DIP2A: variants seen among roughly 807,000 people sequenced by gnomAD.
DIP2A encodes the protein DIP2 acetate--CoA ligase A.
In DIP2A, 85 loss-of-function variants were observed where a neutral mutation model predicts 177.4. The ratio of observed to expected loss-of-function variants is 0.48; its 90% CI spans 0.40 to 0.57. The LOEUF (loss-of-function observed/expected upper bound fraction) is 0.57. DIP2A is among the 20% of genes least tolerant of loss of function. The pLI, the probability that DIP2A is intolerant of heterozygous loss-of-function variation, is 0.00. For missense variants in DIP2A, 1,791 were observed against 2,100.2 expected (o/e 0.85, Z 2.88); for synonymous variants, 886 against 881.8 (o/e 1.00, Z -0.08).
At chr21:46,523,380 G>A (rs1191193700) in intron 8 of DIP2A, among the ~76,000 whole-genome samples, 3 of 148,844 alleles carry the variant, frequency 2.0e-5, no homozygotes, top group South Asian at 2.1e-4. Flanking sequence ...GATTACAGGC[G>A]TGCGCCTGGC....
chr21:46,490,846 A>G (rs1389087644), intron 3 of DIP2A, 127 bp downstream of exon 3: 3 of 1,174,642 alleles, frequency 2.6e-6, no homozygotes, highest in Non-Finnish European at 3.5e-6. Flanking sequence ...TCACATAAGC[A>G]GTAATGTACA....
At chr21:46,548,210 TTG>T (rs1003254110) in intron 21 of DIP2A, among the ~76,000 whole-genome samples, 4 of 130,018 alleles carry the variant, frequency 3.1e-5, no homozygotes, top group Non-Finnish European at 6.8e-5. Flanking sequence ...GTGTGTGTGT[TTG>T]TGTGCGCCTG....
intron 33 of DIP2A, 188 bp downstream of exon 33, chr21:46,560,971 G>A (rs2060642339): frequency 2.0e-6 from 2 of 985,378 alleles, no homozygotes; most frequent in Non-Finnish European, 2.4e-6. Flanking sequence ...TGCACCAAGA[G>A]GAAGAGGAGA....
At chr21:46,466,895 T>C (rs1359385047) in intron 1 of DIP2A, among the ~76,000 whole-genome samples, 2 of 149,160 alleles carry the variant, frequency 1.3e-5, no homozygotes, top group African/African-American at 5.0e-5. Context: ...CTTGCAAAAA[T>C]GTAAAAGAAT....
chr21:46,578,412 GT>G, the DIP2A span, among the ~76,000 whole-genome samples: 1 of 152,204 alleles, frequency 6.6e-6, no homozygotes, highest in Non-Finnish European at 1.5e-5. Flanking sequence ...AACAGAGGCA[GT>G]TTGACTTCCT....
intron 6 of DIP2A, among the ~76,000 whole-genome samples, chr21:46,505,338 G>A (rs529057130): frequency 9.9e-5 from 15 of 152,280 alleles, no homozygotes; most frequent in Admixed American, 9.2e-4. Flanking sequence ...GCTGGGCGCG[G>A]TGGCTCACAC....
chr21:46,472,874 G>A (rs1265823574), intron 1 of DIP2A, among the ~76,000 whole-genome samples: 2 of 152,180 alleles, frequency 1.3e-5, no homozygotes, highest in African/African-American at 4.8e-5. Flanking sequence ...CTCTAGAATG[G>A]CACTGTTTAG....
chr21:46,475,140 A>T (rs960439333), intron 1 of DIP2A, among the ~76,000 whole-genome samples: 2 of 152,142 alleles, frequency 1.3e-5, no homozygotes, highest in Non-Finnish European at 2.9e-5. Context: ...AAAGGTTGGA[A>T]AAACATTGAA....
In DIP2A at chr21:46,556,929, T is replaced by G; in HGVS notation, c.3499-10T>G. The stretch of plus-strand genomic sequence containing the variant: ...CACTTTTTTTTTTTGAACTTTATTT[T>G]ACTCTTAAGATGTCGCACGCGGCCA... On this transcript the variant is annotated splice_polypyrimidine_tract_variant and intron_variant, in intron 29 of 37. Transcript: ENST00000417564. This position sits in a 1 kb window ranked among gnomAD's most constrained non-coding sequence, Gnocchi z 4.5. 1 of 1,535,602 alleles carries G rather than the reference T, an allele frequency of 6.5e-7. No individual in the cohort carries two copies. Among genetic ancestry groups the G allele is most frequent in the Non-Finnish European group, 8.8e-7 (1 of 1,137,460 alleles).
chr21:46,557,538 G>T lies in DIP2A; in HGVS notation c.3630-47G>T. The stretch of plus-strand genomic sequence containing the variant: ...GAGGAAGGGAAGAGTGGAGTGCCCA[G>T]GGTGCTGGGTGGGCGGGCGGAGCCT... On this transcript the variant is annotated intron_variant, in intron 30 of 37. Transcript: ENST00000417564. The surrounding 1 kb of genome is among the most constrained non-coding windows in gnomAD (Gnocchi z 6.0). 1 of 1,573,080 alleles carries T rather than the reference G, an allele frequency of 6.4e-7. No homozygotes were observed.
chr21:46,562,635 G>A (rs1383399945), intron 34 of DIP2A, among the ~76,000 whole-genome samples: 4 of 152,352 alleles, frequency 2.6e-5, no homozygotes, highest in Admixed American at 2.6e-4. Context: ...CGAGGTGGGA[G>A]CTACAGGGAG....
In DIP2A at chr21:46,498,697, C is replaced by A; in HGVS notation, c.519C>A (p.Gly173=). ...CCTGGCTCGACCGGGTCATTCAGGG[C>A]TCGTCCACCTCATCCTCTGCATCCT... is the stretch of plus-strand genomic sequence containing the variant. ...VEPWLDRVIQ[G]SSTSSSASST... Residue 173 remains glycine, a synonymous_variant, in exon 5 of 38, where the codon GGC becomes GGA. Coordinates refer to ENST00000417564, the MANE Select transcript of DIP2A (RefSeq NM_015151.4). This position sits in a 1 kb window ranked among gnomAD's most constrained non-coding sequence, Gnocchi z 4.3. 6.2e-7 allele frequency: 1 copy of A among 1,613,912 alleles called. No homozygotes were observed. The highest frequency in any genetic ancestry group is 8.5e-7 in the Non-Finnish European group (1 of 1,179,884).
chr21:46,480,432 G>C (rs1319767415), intron 1 of DIP2A, among the ~76,000 whole-genome samples: 1 of 152,318 alleles, frequency 6.6e-6, no homozygotes, highest in Non-Finnish European at 1.5e-5. Context: ...AATTCAAAGT[G>C]AGATTTGAGT....
In DIP2A at chr21:46,458,998, T is replaced by TCCCGCCGCC; in HGVS notation, c.-133_-125dup. ...CGTTGCTGTCCTGGCCGCGCCCCTG[T>TCCCGCCGCC]CCCGCCGCCTCCCGCTCCTCGCCTG... On this transcript the variant is annotated 5_prime_UTR_variant, in exon 1 of 38. Coordinates refer to ENST00000417564, the MANE Select transcript of DIP2A (RefSeq NM_015151.4). 2.8e-6 allele frequency: 2 copies of TCCCGCCGCC among 710,856 alleles called. No individual in the cohort carries two copies. The highest frequency in any genetic ancestry group is 4.1e-6 in the Non-Finnish European group (2 of 484,090). 44.0% of individuals were successfully genotyped at this position (710,856 alleles called of 1,614,324 possible).
At chr21:46,545,845 C>T (rs750000049) in intron 19 of DIP2A, 36 bp from the exon 20 acceptor site, 7 of 1,607,544 alleles carry the variant, frequency 4.4e-6, no homozygotes, top group Non-Finnish European at 6.0e-6. Context: ...GGTTGGTTGT[C>T]CACAGCCTGA....
At chr21:46,555,049 C>T (rs1380937094) in intron 28 of DIP2A, 116 bp downstream of exon 28, 3 of 1,095,126 alleles carry the variant, frequency 2.7e-6, no homozygotes, top group South Asian at 2.9e-5. Context: ...CTGGCAGGAG[C>T]CTGGCTGACA....
Position 46,537,828 on chromosome 21 carries a change from C to T in DIP2A, c.1801+289C>T, listed in dbSNP as rs2059636551. ...GTGCCTCCTGGGACCAAGCAGGAGG[C>T]CCCAGCATGGCCACACCTGCACAGT... is the stretch of plus-strand genomic sequence containing the variant. On this transcript the variant is annotated intron_variant, in intron 15 of 37. Coordinates refer to ENST00000417564, the MANE Select transcript of DIP2A (RefSeq NM_015151.4). The surrounding 1 kb of genome is among the most constrained non-coding windows in gnomAD (Gnocchi z 4.1). Among the ~76,000 whole-genome samples, 1 of 152,112 alleles carries T rather than the reference C, an allele frequency of 6.6e-6. No homozygotes were observed. Among genetic ancestry groups the T allele is most frequent in the African/African-American group, 2.4e-5 (1 of 41,408 alleles).
Position 46,497,092 on chromosome 21 carries a change from AC to A in DIP2A, c.390del (p.Tyr131ThrfsTer88), listed in dbSNP as rs757465103. On this transcript the variant is annotated frameshift_variant, in exon 4 of 38. Coordinates refer to ENST00000417564, the MANE Select transcript of DIP2A (RefSeq NM_015151.4). LOFTEE classifies it high-confidence loss of function. The stretch of plus-strand genomic sequence containing the variant: ...TGTCCTTGTGCATTCGTCTGTGGAA[AC>A]CTACACCCCTCCAGGTATTGATAAA... ...RSVLVHSSVETYTPPDTSSAS... is the reference protein window; with the variant it reads ...RSVLVHSSVEXYTPPDTSSAS... 3 of 1,613,064 alleles carry A rather than the reference AC, an allele frequency of 1.9e-6. No individual in the cohort carries two copies. The highest frequency in any genetic ancestry group is 8.5e-7 in the Non-Finnish European group (1 of 1,179,734).
Position 46,537,405 on chromosome 21 carries a change from G to T in DIP2A, c.1708-41G>T. 6.2e-7 allele frequency: 1 copy of T among 1,611,722 alleles called. No homozygotes were observed. The highest frequency in any genetic ancestry group is 8.5e-7 in the Non-Finnish European group (1 of 1,178,048). ...GTTTTGTTTTGCTTTTTCTGGTGTG[G>T]CTCGGGCCCACTCGCCCTAAGCATG... On this transcript the variant is annotated intron_variant, in intron 14 of 37. Coordinates refer to ENST00000417564, the MANE Select transcript of DIP2A (RefSeq NM_015151.4). This position sits in a 1 kb window ranked among gnomAD's most constrained non-coding sequence, Gnocchi z 4.1.
Sources: gnomAD v4.1 joint callset for allele counts (sites outside exome capture counted in the v4.1 genomes callset) on GRCh38, gnomAD v4.1.1 for gene constraint, Gnocchi (gnomAD v3.1) non-coding constraint, MANE v1.5 for transcripts, NCBI Gene and HGNC (gene_info 2026-07-23, HGNC 2026-07-21) for gene names.